Variants in VPS8 observed in about 807,000 individuals in gnomAD.
The protein encoded by VPS8 is VPS8 subunit of CORVET complex, also known as vacuolar protein sorting-associated protein 8 homolog.
Under a neutral mutation model 216.4 loss-of-function variants are expected in VPS8, and 129 were observed. That is an observed-to-expected ratio of 0.60 (90% CI 0.52 to 0.69). The LOEUF is 0.69. Ranked by LOEUF, VPS8 falls within the 30% of genes least tolerant of loss-of-function variation. The pLI is 0.00. For synonymous variants in VPS8, 571 were observed against 565.4 expected (o/e 1.01, Z -0.14); for missense variants, 1,531 against 1,683.5 (o/e 0.91, Z 1.59).
chr3:184,954,972 A>G (rs1745328959), intron 36 of VPS8, among the ~76,000 whole-genome samples: 1 of 152,226 alleles, frequency 6.6e-6, no homozygotes, highest in Non-Finnish European at 1.5e-5. Flanking sequence ...TTGACGGGAT[A>G]TTGTGAGAAG....
intron 37 of VPS8, among the ~76,000 whole-genome samples, chr3:184,960,065 A>G (rs1746252833): frequency 6.7e-6 from 1 of 149,192 alleles, no homozygotes. Flanking sequence ...TTCGATTCCC[A>G]CCTATGAATA....
chr3:184,882,466 A>G (rs938608198), intron 21 of VPS8: 3 of 426,276 alleles, frequency 7.0e-6, no homozygotes, highest in African/African-American at 6.2e-5. Context: ...GTGAATTATC[A>G]TTCCTAATAT....
At chr3:184,835,654 T>G (rs1720905475) in intron 5 of VPS8, among the ~76,000 whole-genome samples, 1 of 152,142 alleles carries the variant, frequency 6.6e-6, no homozygotes, top group Non-Finnish European at 1.5e-5. Context: ...TTTTGGGGCA[T>G]TTAATTGGCA....
At position 184,982,559 on chromosome 3, in the gene VPS8, A is replaced by T; in HGVS notation, c.3421-7A>T. On this transcript the variant is annotated splice_polypyrimidine_tract_variant and splice_region_variant and intron_variant, in intron 40 of 47. Coordinates refer to ENST00000625842, the MANE Select transcript of VPS8 (RefSeq NM_001009921.3). Reference sequence around the variant, plus strand: ...TTCTTTTTCTTTGATTTTCTCTGACATTATAGGCACTTTGGTTTCCGTTAT... The same window carrying T: ...TTCTTTTTCTTTGATTTTCTCTGACTTTATAGGCACTTTGGTTTCCGTTAT... 1 of 1,601,380 alleles carries T rather than the reference A, an allele frequency of 6.2e-7. No homozygotes were observed. The highest frequency in any genetic ancestry group is 8.5e-7 in the Non-Finnish European group (1 of 1,175,026).
chr3:184,982,825 T>C (rs1017093407), intron 41 of VPS8, among the ~76,000 whole-genome samples, 178 bp downstream of exon 41: 1 of 152,226 alleles, frequency 6.6e-6, no homozygotes, highest in African/African-American at 2.4e-5. Flanking sequence ...GTTCCACTCA[T>C]ATAATTTATC....
chr3:185,031,837 G>T (rs1032308982), intron 46 of VPS8, among the ~76,000 whole-genome samples: 1 of 152,156 alleles, frequency 6.6e-6, no homozygotes, highest in African/African-American at 2.4e-5. Flanking sequence ...ATCCCTTGAA[G>T]CATTAAAATC....
intron 1 of VPS8, among the ~76,000 whole-genome samples, chr3:184,818,395 C>T (rs757727411): frequency 2.3e-4 from 35 of 151,660 alleles, no homozygotes; most frequent in Non-Finnish European, 3.8e-4. Context: ...TGGTGGTGTG[C>T]GCCTGTAGAC....
intron 14 of VPS8, among the ~76,000 whole-genome samples, chr3:184,858,760 A>G (rs1725746775): frequency 6.6e-6 from 1 of 152,322 alleles, no homozygotes; most frequent in Admixed American, 6.5e-5. Flanking sequence ...TCAACAAGCA[A>G]AATGCCTTGA....
chr3:184,812,850 T>TA (rs1715450386), intron 1 of VPS8: 1 of 152,252 alleles, frequency 6.6e-6, no homozygotes, highest in Non-Finnish European at 1.5e-5. Context: ...CTCCAGGGAC[T>TA]GATATCAAGG....
intron 45 of VPS8, among the ~76,000 whole-genome samples, chr3:185,019,525 A>G (rs1234450966): frequency 6.6e-6 from 1 of 152,208 alleles, no homozygotes; most frequent in Non-Finnish European, 1.5e-5. Flanking sequence ...ACAGGAAATA[A>G]AGGGATGGGC....
chr3:185,022,052 ACCT>A (rs973426837), intron 45 of VPS8, among the ~76,000 whole-genome samples: 3 of 152,096 alleles, frequency 2.0e-5, no homozygotes, highest in Non-Finnish European at 4.4e-5. Flanking sequence ...CGGGAAAGGG[ACCT>A]GGTGGGAGGT....
At chr3:185,013,978 A>G (rs1476084696) in intron 45 of VPS8, among the ~76,000 whole-genome samples, 1 of 152,232 alleles carries the variant, frequency 6.6e-6, no homozygotes, top group Non-Finnish European at 1.5e-5. Flanking sequence ...TCCTGTTTAC[A>G]AATAGGTTTT....
chr3:184,943,196 C>G (rs1743053039), intron 36 of VPS8, among the ~76,000 whole-genome samples: 1 of 152,140 alleles, frequency 6.6e-6, no homozygotes, highest in Non-Finnish European at 1.5e-5. Context: ...TTTCTAGTTG[C>G]TTTGTCAGTT....
chr3:184,823,143 T>C (rs1423910768), intron 1 of VPS8, among the ~76,000 whole-genome samples: 1 of 152,184 alleles, frequency 6.6e-6, no homozygotes. Flanking sequence ...AATAATGAGC[T>C]TCATTAGATA....
chr3:184,948,523 A>G (rs1453107499), intron 36 of VPS8, among the ~76,000 whole-genome samples: 2 of 152,166 alleles, frequency 1.3e-5, no homozygotes, highest in Admixed American at 1.3e-4. Context: ...ACCTGTCTCC[A>G]AAAAACAAAA....
At chr3:184,871,476 C>CA (rs1354758444) in intron 21 of VPS8, among the ~76,000 whole-genome samples, 5 of 152,186 alleles carry the variant, frequency 3.3e-5, no homozygotes, top group Admixed American at 3.3e-4. Context: ...TAAAAAGACT[C>CA]AGATAGCAGA....
intron 24 of VPS8, among the ~76,000 whole-genome samples, chr3:184,900,698 GTA>G (rs1217336394): frequency 6.6e-6 from 1 of 152,060 alleles, no homozygotes; most frequent in Non-Finnish European, 1.5e-5. Context: ...TATATAACTG[GTA>G]TTTATTAAAT....
At chr3:184,834,067 G>A (rs913006781) in intron 4 of VPS8, among the ~76,000 whole-genome samples, 1 of 152,174 alleles carries the variant, frequency 6.6e-6, no homozygotes, top group African/African-American at 2.4e-5. Flanking sequence ...ATGAGGATGA[G>A]TAGAGGGGGA....
chr3:184,915,536 G>T, intron 28 of VPS8, 62 bp downstream of exon 28: 2 of 1,557,626 alleles, frequency 1.3e-6, no homozygotes, highest in Non-Finnish European at 1.7e-6. Flanking sequence ...TTTTTGGCGG[G>T]GTGTGGTGGC....
Sources: gnomAD v4.1 joint callset for allele counts (sites outside exome capture counted in the v4.1 genomes callset) on GRCh38, gnomAD v4.1.1 for gene constraint, MANE v1.5 for transcripts, NCBI Gene and HGNC (gene_info 2026-07-23, HGNC 2026-07-21) for gene names.